The following MIS18A variants were observed in gnomAD, a reference collection of about 807,000 sequenced individuals.
MIS18A encodes protein Mis18-alpha.
In MIS18A, 14 loss-of-function variants were observed where a neutral mutation model predicts 25.0. The observed-to-expected ratio is 0.56, with a 90% confidence interval of 0.37 to 0.88. The LOEUF (loss-of-function observed/expected upper bound fraction) is 0.88. Ranked by LOEUF, MIS18A falls within the 40% of genes least tolerant of loss-of-function variation. The probability of loss-of-function intolerance (pLI) is 0.00; values close to 1 mark genes in which losing one functional copy is unlikely to be tolerated. For synonymous variants in MIS18A, 134 were observed against 118.6 expected (o/e 1.13, Z -0.84); for missense variants, 292 against 290.8 (o/e 1.00, Z -0.03).
chr21:32,278,516 G>T, intron 1 of MIS18A, 165 bp downstream of exon 1: 1 of 727,704 alleles, frequency 1.4e-6, no homozygotes, highest in Non-Finnish European at 2.1e-6. Context: ...GTGGAGGGGT[G>T]ACCCTCCTCC....
chr21:32,196,671 C>T, the MIS18A span, among the ~76,000 whole-genome samples: 1 of 152,114 alleles, frequency 6.6e-6, no homozygotes. Context: ...CCAGGCTGGT[C>T]TTGATCTCCT....
chr21:32,155,172 T>C, the MIS18A span, among the ~76,000 whole-genome samples: 2 of 152,200 alleles, frequency 1.3e-5, no homozygotes, highest in African/African-American at 4.8e-5. Context: ...AATTTTATGG[T>C]TGGGATGGAT....
At chr21:32,210,523 G>C in the MIS18A span, among the ~76,000 whole-genome samples, 1 of 152,156 alleles carries the variant, frequency 6.6e-6, no homozygotes, top group Non-Finnish European at 1.5e-5. Context: ...GTGTGCATCA[G>C]ATGGGATCAG....
chr21:32,262,178 G>C, the MIS18A span, among the ~76,000 whole-genome samples: 2 of 152,228 alleles, frequency 1.3e-5, no homozygotes, highest in African/African-American at 2.4e-5. Context: ...AGAGGGTTCT[G>C]TGAGAATGAG....
chr21:32,204,459 C>T, the MIS18A span, among the ~76,000 whole-genome samples: 11 of 151,352 alleles, frequency 7.3e-5, no homozygotes, highest in South Asian at 1.3e-3. Flanking sequence ...ATCCCGCCAC[C>T]GCACTCCAGC....
At chr21:32,209,814 C>T in the MIS18A span, among the ~76,000 whole-genome samples, 1 of 152,180 alleles carries the variant, frequency 6.6e-6, no homozygotes, top group African/African-American at 2.4e-5. Context: ...CCTGCCACTA[C>T]ATGCAGAAGG....
the MIS18A span, among the ~76,000 whole-genome samples, chr21:32,166,223 G>T: frequency 6.6e-6 from 1 of 152,198 alleles, no homozygotes; most frequent in Non-Finnish European, 1.5e-5. Flanking sequence ...ATCTCACAAA[G>T]AATGAAGTTC....
chr21:32,273,115 CTT>C (rs879786505), intron 2 of MIS18A, among the ~76,000 whole-genome samples: 4 of 134,330 alleles, frequency 3.0e-5, no homozygotes, highest in Admixed American at 7.5e-5. Flanking sequence ...AACTTTTTTT[CTT>C]TTTTTTTTTT....
the MIS18A span, among the ~76,000 whole-genome samples, chr21:32,231,774 G>A: frequency 0.015 from 2,332 of 152,150 alleles, 60 homozygotes; most frequent in African/African-American, 0.054. Flanking sequence ...TTAGCCGGGC[G>A]TGGTGGCGGG....
the MIS18A span, among the ~76,000 whole-genome samples, chr21:32,242,102 G>A: frequency 1.3e-5 from 2 of 152,152 alleles, no homozygotes; most frequent in South Asian, 2.1e-4. Context: ...GGATGGTCTC[G>A]ATCTCCTGAC....
intron 1 of MIS18A, among the ~76,000 whole-genome samples, chr21:32,276,554 T>C (rs556417840): frequency 6.6e-6 from 1 of 151,694 alleles, no homozygotes; most frequent in Non-Finnish European, 1.5e-5. Flanking sequence ...GCACTAATGA[T>C]TAATCAAACA....
the MIS18A span, among the ~76,000 whole-genome samples, chr21:32,219,345 G>A: frequency 2.6e-5 from 4 of 152,194 alleles, no homozygotes; most frequent in African/African-American, 9.6e-5. Flanking sequence ...AGCAGGGTGG[G>A]GTGTTGCCTC....
At chr21:32,268,206 G>T (rs2031638901), downstream of MIS18A, 1 of 152,114 alleles carries the variant, frequency 6.6e-6, no homozygotes. Flanking sequence ...AATTCAGTTT[G>T]TAAAAATCAA....
chr21:32,160,352 T>C, the MIS18A span, among the ~76,000 whole-genome samples: 1 of 151,618 alleles, frequency 6.6e-6, no homozygotes, highest in Non-Finnish European at 1.5e-5. Context: ...TCCTCTATTA[T>C]TGATATCTTA....
the MIS18A span, among the ~76,000 whole-genome samples, chr21:32,207,687 C>CT: frequency 5.0e-4 from 73 of 147,388 alleles, no homozygotes; most frequent in East Asian, 2.0e-3. Context: ...TTTTCTTTTT[C>CT]TTTTTTTTTT....
the MIS18A span, among the ~76,000 whole-genome samples, chr21:32,195,277 G>A: frequency 6.6e-6 from 1 of 152,184 alleles, no homozygotes; most frequent in African/African-American, 2.4e-5. Flanking sequence ...TGGTTTCAAA[G>A]TCACAGGCAC....
At chr21:32,213,590 C>T in the MIS18A span, among the ~76,000 whole-genome samples, 2 of 152,134 alleles carry the variant, frequency 1.3e-5, no homozygotes. Flanking sequence ...CACTCTGTAC[C>T]CTTTTCTACC....
the MIS18A span, among the ~76,000 whole-genome samples, chr21:32,234,213 A>G: frequency 6.6e-6 from 1 of 152,198 alleles, no homozygotes; most frequent in African/African-American, 2.4e-5. Context: ...TTCTAAAATT[A>G]TAAGTTGATC....
the MIS18A span, among the ~76,000 whole-genome samples, chr21:32,211,181 C>A: frequency 6.6e-6 from 1 of 152,168 alleles, no homozygotes; most frequent in African/African-American, 2.4e-5. Flanking sequence ...GCTGAGATTA[C>A]AGGCATGTGT....
Sources: gnomAD v4.1 joint callset for allele counts (sites outside exome capture counted in the v4.1 genomes callset) on GRCh38, gnomAD v4.1.1 for gene constraint, MANE v1.5 for transcripts, NCBI Gene and HGNC (gene_info 2026-07-23, HGNC 2026-07-21) for gene names.